Variants in WDPCP observed in about 807,000 individuals in gnomAD.
The protein encoded by WDPCP is WD repeat containing planar cell polarity effector.
In WDPCP, 71 loss-of-function variants were observed where a neutral mutation model predicts 93.1. The observed-to-expected ratio is 0.76, with a 90% CI of 0.63 to 0.93. The LOEUF (loss-of-function observed/expected upper bound fraction) is 0.93, where lower values mean the gene tolerates loss of function less well. Among genes scored for constraint, WDPCP ranks in the 40% least tolerant of loss-of-function variants. The pLI, the probability that WDPCP is intolerant of heterozygous loss-of-function variation, is 0.00. For missense variants in WDPCP, 844 were observed against 887.4 expected (o/e 0.95, Z 0.62); for synonymous variants, 315 against 315.0 (o/e 1.00, Z 0.00).
At chr2:63,161,307 G>T (rs191564897) in intron 15 of WDPCP, among the ~76,000 whole-genome samples, 12 of 152,218 alleles carry the variant, frequency 7.9e-5, no homozygotes, top group Admixed American at 7.8e-4. Context: ...TATAAATGGC[G>T]CCATATTCCT....
intron 10 of WDPCP, among the ~76,000 whole-genome samples, chr2:63,392,304 A>C (rs1351901323): frequency 6.6e-6 from 1 of 152,242 alleles, no homozygotes; most frequent in Non-Finnish European, 1.5e-5. Context: ...CCTATTTAAT[A>C]AATGGTGCTG....
At position 63,752,471 on chromosome 2, in the gene WDPCP, C is replaced by T. The variant is rs188963199; in HGVS notation, n.308+61151G>A. 121 of 784,464 alleles carry T rather than the reference C, an allele frequency of 1.5e-4. No individual in the cohort carries two copies. The East Asian group carries it at 3.0e-3, about 19-fold the overall frequency. 48.6% of individuals were successfully genotyped at this position (784,464 alleles called of 1,614,324 possible). ...AGTGGCATAGGTGACAAACCCAAAG[C>T]CCCTGGAGCGCTTGGTGTTGGGATC... On this transcript the variant is annotated intron_variant and non_coding_transcript_variant, in intron 2 of 4. Transcript: ENST00000467687.
At chr2:63,460,868 C>T (rs1306268525) in intron 6 of WDPCP, among the ~76,000 whole-genome samples, 2 of 151,312 alleles carry the variant, frequency 1.3e-5, no homozygotes, top group Non-Finnish European at 3.0e-5. Context: ...CCTCGTGATT[C>T]ACCCACCTCA....
In WDPCP at chr2:63,617,109, T is replaced by C. The variant is rs181428991; in HGVS notation, n.488+33550A>G. Among the ~76,000 whole-genome samples the C allele has an allele frequency of 3.3e-5, 5 of 152,296 alleles. No homozygotes were observed. The East Asian group carries it at 9.6e-4, about 29-fold the overall frequency. The stretch of plus-strand genomic sequence containing the variant: ...CCACAGGAAAAATTTGTAATAACTC[T>C]CAAGAAAGCCATTCAAGACACAGAA... On this transcript the variant is annotated intron_variant and non_coding_transcript_variant, in intron 3 of 4. Coordinates refer to the WDPCP transcript ENST00000467687.
chr2:63,595,330 A>C, intron 3 of WDPCP: 1 of 790,304 alleles, frequency 1.3e-6, no homozygotes, highest in East Asian at 2.5e-5. Flanking sequence ...AATTACATGC[A>C]TGTACATACC....
chr2:63,147,602 G>C (rs565744968), intron 17 of WDPCP, among the ~76,000 whole-genome samples: 1 of 152,242 alleles, frequency 6.6e-6, no homozygotes, highest in African/African-American at 2.4e-5. Context: ...AAACATTCAC[G>C]ATAGAATTCC....
chr2:63,831,913 C>A (rs1195591237), upstream of WDPCP, among the ~76,000 whole-genome samples: 1 of 152,138 alleles, frequency 6.6e-6, no homozygotes, highest in Non-Finnish European at 1.5e-5. Context: ...AATGTGTGGA[C>A]TGAAAAACAT....
chr2:63,573,993 C>T (rs1444389404), intron 1 of WDPCP, among the ~76,000 whole-genome samples: 1 of 152,178 alleles, frequency 6.6e-6, no homozygotes, highest in Non-Finnish European at 1.5e-5. Context: ...TTTGGTCAGA[C>T]TGGTTGTCTG....
intron 2 of WDPCP, among the ~76,000 whole-genome samples, chr2:63,491,651 C>T (rs1002176682): frequency 7.2e-5 from 11 of 152,300 alleles, no homozygotes; most frequent in African/African-American, 2.2e-4. Context: ...TCTTCTACTG[C>T]CCCTGGTGTT....
At chr2:63,367,390 C>A (rs1038434575) in intron 12 of WDPCP, among the ~76,000 whole-genome samples, 2 of 151,968 alleles carry the variant, frequency 1.3e-5, no homozygotes, top group Non-Finnish European at 2.9e-5. Flanking sequence ...ATCAAGATTC[C>A]TTAAAATGTA....
intron 12 of WDPCP, among the ~76,000 whole-genome samples, chr2:63,359,388 T>A (rs1285105653): frequency 3.9e-5 from 6 of 152,148 alleles, no homozygotes; most frequent in Admixed American, 3.3e-4. Flanking sequence ...CTAGAGAGCA[T>A]AAAGATAGAA....
intron 17 of WDPCP, among the ~76,000 whole-genome samples, chr2:63,129,938 G>A (rs1015165552): frequency 4.6e-5 from 7 of 152,102 alleles, no homozygotes; most frequent in African/African-American, 1.7e-4. Flanking sequence ...AAGAAAAAAA[G>A]TCTGTACATG....
intron 14 of WDPCP, among the ~76,000 whole-genome samples, chr2:63,179,072 A>G (rs1329252485): frequency 6.6e-6 from 1 of 151,996 alleles, no homozygotes; most frequent in African/African-American, 2.4e-5. Flanking sequence ...GTGGTAGCTC[A>G]TGCCTGTAGT....
intron 3 of WDPCP, chr2:63,606,892 C>G (rs1178776181): frequency 1.2e-6 from 2 of 1,611,414 alleles, no homozygotes; most frequent in Non-Finnish European, 1.7e-6. Flanking sequence ...TGAAGGTCTC[C>G]CTATTAATGA....
intron 1 of WDPCP, among the ~76,000 whole-genome samples, chr2:63,503,320 G>A (rs951489407): frequency 6.6e-6 from 1 of 151,942 alleles, no homozygotes; most frequent in Non-Finnish European, 1.5e-5. Flanking sequence ...CATTTTCTAG[G>A]TTCCTATTAA....
intron 14 of WDPCP, among the ~76,000 whole-genome samples, chr2:63,212,290 A>G (rs529281621): frequency 6.6e-6 from 1 of 152,248 alleles, no homozygotes; most frequent in Non-Finnish European, 1.5e-5. Flanking sequence ...TCTACAAGCC[A>G]GAAGAGAGTG....
intron 3 of WDPCP, chr2:63,597,192 G>A: frequency 1.3e-6 from 1 of 798,412 alleles, no homozygotes; most frequent in East Asian, 1.3e-4. Flanking sequence ...TATTGAAACA[G>A]GAAAAGCAAA....
intron 3 of WDPCP, among the ~76,000 whole-genome samples, chr2:63,626,148 A>T (rs1558869869): frequency 6.6e-6 from 1 of 152,222 alleles, no homozygotes; most frequent in African/African-American, 2.4e-5. Flanking sequence ...CAGAAAACTG[A>T]AACTGGACCC....
intron 2 of WDPCP, among the ~76,000 whole-genome samples, chr2:63,677,631 G>T (rs538109207): frequency 3.9e-5 from 6 of 152,220 alleles, no homozygotes; most frequent in Admixed American, 3.3e-4. Context: ...ACAGAAATAG[G>T]AAAGTCAGAA....
Sources: gnomAD v4.1 joint callset for allele counts (sites outside exome capture counted in the v4.1 genomes callset) on GRCh38, gnomAD v4.1.1 for gene constraint, MANE v1.5 for transcripts, NCBI Gene and HGNC (gene_info 2026-07-23, HGNC 2026-07-21) for gene names.